SAV1: variants seen among roughly 807,000 people sequenced by gnomAD.
SAV1 encodes the protein protein salvador homolog 1.
In SAV1, 23 loss-of-function variants were observed where a neutral mutation model predicts 47.3. The ratio of observed to expected loss-of-function variants is 0.49; its 90% CI spans 0.35 to 0.69. SAV1 has a LOEUF of 0.69. Among genes scored for constraint, SAV1 ranks in the 30% least tolerant of loss-of-function variants. SAV1 has a pLI of 0.01. For synonymous variants in SAV1, 155 were observed against 159.2 expected (o/e 0.97, Z 0.20); for missense variants, 448 against 457.4 (o/e 0.98, Z 0.19).
Position 50,635,246 on chromosome 14 carries a change from T to C in SAV1, c.1089A>G (p.Thr363=). 3.7e-6 allele frequency: 6 copies of C among 1,614,206 alleles called. No individual in the cohort carries two copies. The highest frequency in any genetic ancestry group is 2.2e-5 in the East Asian group (1 of 44,876). Reference sequence around the variant, plus strand: ...GTCTCTGCTTTCGGTTTTCCAACTCTGTAAGAAGGGCTTGTCTGTATGCTT... The same window carrying C: ...GTCTCTGCTTTCGGTTTTCCAACTCCGTAAGAAGGGCTTGTCTGTATGCTT... ...MYEAYRQALL[T]ELENRKQRQQ... is the part of the protein sequence containing the mutation. The change falls in exon 5 of 5, where the codon ACA becomes ACG. Residue 363 remains threonine, a synonymous_variant. Transcript: ENST00000324679.
chr14:50,650,791 G>A (rs1367855994), intron 2 of SAV1, among the ~76,000 whole-genome samples: 1 of 152,190 alleles, frequency 6.6e-6, no homozygotes, highest in African/African-American at 2.4e-5. Context: ...GGAGGCCAAG[G>A]TGGATGGACC....
chr14:50,644,669 GAT>G, intron 3 of SAV1, 73 bp downstream of exon 3: 1 of 1,360,526 alleles, frequency 7.4e-7, no homozygotes, highest in Non-Finnish European at 1.0e-6. Context: ...TATTCTCTTA[GAT>G]GAAAATATCA....
chr14:50,667,563 A>C, intron 1 of SAV1: 1 of 487,092 alleles, frequency 2.1e-6, no homozygotes, highest in Non-Finnish European at 3.9e-6. Context: ...GGTGATAAGC[A>C]ATTTAAATGT....
At chr14:50,643,008 T>C (rs2039692569) in intron 3 of SAV1, among the ~76,000 whole-genome samples, 1 of 152,202 alleles carries the variant, frequency 6.6e-6, no homozygotes, top group Non-Finnish European at 1.5e-5. Context: ...AATAAATTCA[T>C]ACCACAGGTG....
Position 50,635,218 on chromosome 14 carries a change from G to A in SAV1, c.1117C>T (p.Gln373Ter), listed in dbSNP as rs1208292302. The change falls in exon 5 of 5, where the codon CAG (glutamine) becomes TAG (stop). Residue 373 changes from glutamine (Q) to a stop codon, truncating the protein, a stop_gained. Coordinates refer to ENST00000324679, the MANE Select transcript of SAV1 (RefSeq NM_021818.4). LOFTEE classifies it high-confidence loss of function. Reference sequence around the variant, plus strand: ...TTTCCATGTTGTTGGGCATACCACTGCTGTCTCTGCTTTCGGTTTTCCAAC... The same window carrying A: ...TTTCCATGTTGTTGGGCATACCACTACTGTCTCTGCTTTCGGTTTTCCAAC... Reference protein sequence around the residue: ...TELENRKQRQQWYAQQHGKNF With the variant: ...TELENRKQRQ 3 of 1,614,054 alleles carry A rather than the reference G, an allele frequency of 1.9e-6. No individual in the cohort carries two copies. The highest frequency in any genetic ancestry group is 2.5e-6 in the Non-Finnish European group (3 of 1,179,994).
intron 2 of SAV1, among the ~76,000 whole-genome samples, chr14:50,658,401 T>C (rs905296709): frequency 2.0e-5 from 3 of 152,214 alleles, no homozygotes; most frequent in African/African-American, 7.2e-5. Context: ...TTCCTTTCTT[T>C]GGAACATACA....
chr14:50,645,077 C>T lies in SAV1; in HGVS notation c.536-63G>A, dbSNP rs2039710763. On this transcript the variant is annotated intron_variant, in intron 2 of 4. Transcript: ENST00000324679. ...CAATTATTCAATGCAAAAAATGTGC[C>T]AGCTAGCAAAGTCACAACATTAACT... The T allele has an allele frequency of 4.8e-6, 7 of 1,447,874 alleles. No individual in the cohort carries two copies. In the East Asian group the frequency reaches 1.4e-4, roughly 29 times the overall value. The allele number at this position is 1,447,874 out of a possible 1,614,324, so 89.7% of individuals were successfully genotyped here.
At chr14:50,646,908 T>C (rs184742435) in intron 2 of SAV1, among the ~76,000 whole-genome samples, 324 of 152,188 alleles carry the variant, frequency 2.1e-3, no homozygotes, top group African/African-American at 7.6e-3. Flanking sequence ...AACAGACAAA[T>C]AGATAAATGG....
chr14:50,641,580 T>C (rs2140249565), intron 3 of SAV1, among the ~76,000 whole-genome samples: 1 of 152,298 alleles, frequency 6.6e-6, no homozygotes, highest in East Asian at 1.9e-4. Flanking sequence ...TTTATGTGTA[T>C]ATGTGGCCAA....
At chr14:50,640,693 A>G in intron 4 of SAV1, 57 bp downstream of exon 4, 1 of 1,514,824 alleles carries the variant, frequency 6.6e-7, no homozygotes, top group South Asian at 1.3e-5. Flanking sequence ...CAGCCCAGAG[A>G]CTCCATTCAG....
chr14:50,667,972 C>G lies in SAV1; in HGVS notation c.-5G>C. The G allele has an allele frequency of 6.2e-7, 1 of 1,608,422 alleles. No individual in the cohort carries two copies. The highest frequency in any genetic ancestry group is 8.5e-7 in the Non-Finnish European group (1 of 1,178,044). On this transcript the variant is annotated 5_prime_UTR_variant, in exon 1 of 5. Transcript: ENST00000324679. ...GGTTTTCTTTCGGGACAGCATCCTTCTCGACGAGGCCCGAGGCCGCGCTGA... is the reference window on the plus strand; with the variant it reads ...GGTTTTCTTTCGGGACAGCATCCTTGTCGACGAGGCCCGAGGCCGCGCTGA...
chr14:50,654,960 C>G (rs1310520444), intron 2 of SAV1, among the ~76,000 whole-genome samples: 1 of 151,810 alleles, frequency 6.6e-6, no homozygotes, highest in African/African-American at 2.4e-5. Flanking sequence ...ACAAGTAGAT[C>G]ACCCTTGTTC....
At chr14:50,652,937 A>C (rs1480450630) in intron 2 of SAV1, among the ~76,000 whole-genome samples, 2 of 152,210 alleles carry the variant, frequency 1.3e-5, no homozygotes, top group Non-Finnish European at 2.9e-5. Context: ...AGGCTGAGGC[A>C]GGAGAACTGC....
At chr14:50,643,011 C>A (rs1307882051) in intron 3 of SAV1, among the ~76,000 whole-genome samples, 2 of 152,056 alleles carry the variant, frequency 1.3e-5, no homozygotes, top group Non-Finnish European at 2.9e-5. Flanking sequence ...AAATTCATAC[C>A]ACAGGTGGTT....
At chr14:50,649,037 T>C (rs1350469781) in intron 2 of SAV1, among the ~76,000 whole-genome samples, 1 of 152,154 alleles carries the variant, frequency 6.6e-6, no homozygotes, top group Non-Finnish European at 1.5e-5. Flanking sequence ...CTATTTTTTT[T>C]ACCCTTAGCT....
chr14:50,654,297 T>C (rs2039794206), intron 2 of SAV1, among the ~76,000 whole-genome samples: 1 of 152,232 alleles, frequency 6.6e-6, no homozygotes, highest in African/African-American at 2.4e-5. Context: ...CCTAAATCAT[T>C]AGTCATTTCA....
intron 2 of SAV1, among the ~76,000 whole-genome samples, chr14:50,660,544 G>T (rs1427450757): frequency 6.6e-6 from 1 of 152,126 alleles, no homozygotes; most frequent in East Asian, 1.9e-4. Context: ...TGTGATACAT[G>T]CAAAGAGTAT....
intron 2 of SAV1, among the ~76,000 whole-genome samples, chr14:50,653,884 T>G (rs1327249434): frequency 6.6e-6 from 1 of 151,992 alleles, no homozygotes; most frequent in East Asian, 1.9e-4. Flanking sequence ...AAAAAAAAGT[T>G]ATATTTTACA....
At chr14:50,648,159 G>C (rs1392834396) in intron 2 of SAV1, among the ~76,000 whole-genome samples, 1 of 152,188 alleles carries the variant, frequency 6.6e-6, no homozygotes. Context: ...ATGAATCTCA[G>C]AAGTATCATG....
Sources: gnomAD v4.1 joint callset for allele counts (sites outside exome capture counted in the v4.1 genomes callset) on GRCh38, gnomAD v4.1.1 for gene constraint, MANE v1.5 for transcripts, NCBI Gene and HGNC (gene_info 2026-07-23, HGNC 2026-07-21) for gene names.